Variants in OTOGL observed in about 807,000 individuals in gnomAD.
OTOGL encodes the protein otogelin like.
Under a neutral mutation model 318.5 loss-of-function variants are expected in OTOGL, and 285 were observed. The observed-to-expected ratio is 0.89, with a 90% CI of 0.81 to 0.99. The LOEUF is 0.99. Among genes scored for constraint, OTOGL ranks in the 50% least tolerant of loss-of-function variants. The pLI is 0.00. For missense variants in OTOGL, 2,899 were observed against 2,845.6 expected, an observed-to-expected ratio of 1.02 and a Z score of -0.43; for synonymous variants, 987 against 936.5, an observed-to-expected ratio of 1.05 and a Z score of -0.99.
intron 7 of OTOGL, among the ~76,000 whole-genome samples, chr12:80,224,199 T>G (rs932834655): frequency 5.3e-5 from 8 of 152,100 alleles, no homozygotes; most frequent in African/African-American, 1.9e-4. Context: ...TTTCCCCACT[T>G]TATGTTTTTG....
chr12:80,333,010 G>A lies in OTOGL; in HGVS notation c.4354G>A (p.Glu1452Lys). The A allele has an allele frequency of 1.9e-6, 3 of 1,592,908 alleles. No individual in the cohort carries two copies. The highest frequency in any genetic ancestry group is 1.3e-5 in the African/African-American group (1 of 74,778). Residue 1452 changes from glutamate to lysine, a missense_variant, in exon 38 of 59, where the codon GAA becomes AAA. This residue lies in a region of OTOGL where 2,607 missense variants were observed against 2,524.9 expected (regional missense o/e 1.03). Transcript: ENST00000547103. ...KPTVPMFTVW[E>K]MITPSDITVF... Reference sequence around the variant, plus strand: ...TACTTTTTCATTTCTGACAGTTTGGGAAATGATTACTCCATCAGACATCAC... The same window carrying A: ...TACTTTTTCATTTCTGACAGTTTGGAAAATGATTACTCCATCAGACATCAC...
chr12:80,194,037 T>C (rs539866881), intron 1 of OTOGL, among the ~76,000 whole-genome samples: 2 of 152,268 alleles, frequency 1.3e-5, no homozygotes, highest in Admixed American at 1.3e-4. Flanking sequence ...TGCCTCTGAC[T>C]AACAACACTG....
chr12:80,203,235 A>G (rs938608690), intron 1 of OTOGL, among the ~76,000 whole-genome samples: 1 of 152,088 alleles, frequency 6.6e-6, no homozygotes, highest in Non-Finnish European at 1.5e-5. Context: ...GCAGGACTGT[A>G]TTTGTCTGGA....
At chr12:80,107,786 T>C (rs1869543054) in intron 1 of OTOGL, among the ~76,000 whole-genome samples, 1 of 152,118 alleles carries the variant, frequency 6.6e-6, no homozygotes, top group African/African-American at 2.4e-5. Context: ...AGGAAGATCA[T>C]GACCTTTGCA....
intron 1 of OTOGL, among the ~76,000 whole-genome samples, chr12:80,201,717 A>C (rs993977441): frequency 6.6e-6 from 1 of 152,192 alleles, no homozygotes; most frequent in Admixed American, 6.5e-5. Context: ...TCTCAATCAC[A>C]TAGCAAGCCT....
At chr12:80,171,270 G>A (rs1874189032) in intron 1 of OTOGL, among the ~76,000 whole-genome samples, 1 of 151,970 alleles carries the variant, frequency 6.6e-6, no homozygotes, top group African/African-American at 2.4e-5. Context: ...TGTAGAGATG[G>A]AGTCTCACTA....
chr12:80,241,444 G>A (rs950676088), intron 11 of OTOGL, among the ~76,000 whole-genome samples: 1 of 151,836 alleles, frequency 6.6e-6, no homozygotes, highest in African/African-American at 2.4e-5. Flanking sequence ...AGAGCTACTT[G>A]CTATAGCTCT....
chr12:80,108,943 T>TAC (rs1869663168), intron 1 of OTOGL, among the ~76,000 whole-genome samples: 1 of 144,556 alleles, frequency 6.9e-6, no homozygotes. Flanking sequence ...TGTGTATATA[T>TAC]ATATATATAT....
At chr12:80,217,223 G>T (rs1474238432) in intron 4 of OTOGL, among the ~76,000 whole-genome samples, 1 of 149,652 alleles carries the variant, frequency 6.7e-6, no homozygotes, top group African/African-American at 2.4e-5. Flanking sequence ...TATTCCAAAG[G>T]TTAGACTCCA....
intron 32 of OTOGL, among the ~76,000 whole-genome samples, chr12:80,318,282 C>T (rs1887097315): frequency 6.6e-6 from 1 of 152,098 alleles, no homozygotes; most frequent in South Asian, 2.1e-4. Context: ...GTAAAATACA[C>T]TGAGTGCAGT....
chr12:80,217,813 T>C (rs1877890022), intron 5 of OTOGL, 149 bp downstream of exon 5: 1 of 583,418 alleles, frequency 1.7e-6, no homozygotes, highest in African/African-American at 1.9e-5. Context: ...TTAAGTTCAC[T>C]TCTTAGAGAA....
At chr12:80,217,237 A>G (rs1877819099) in intron 4 of OTOGL, among the ~76,000 whole-genome samples, 1 of 146,902 alleles carries the variant, frequency 6.8e-6, no homozygotes, top group Admixed American at 6.8e-5. Flanking sequence ...GACTCCAACC[A>G]GGCTCCTTTC....
Position 80,336,052 on chromosome 12 carries a change from A to G in OTOGL, c.4512A>G (p.Pro1504=), listed in dbSNP as rs763723903. 5 of 1,598,910 alleles carry G rather than the reference A, an allele frequency of 3.1e-6. No homozygotes were observed. The highest frequency in any genetic ancestry group is 2.5e-6 in the Non-Finnish European group (3 of 1,179,430). The change falls in exon 39 of 59, where the codon CCA becomes CCG. Residue 1504 remains proline, a synonymous_variant. Transcript: ENST00000547103. The part of the protein sequence containing the change: ...WQLYNWSLNC[P]KDVEMPDCGF... ...TATACAACTGGTCCCTTAATTGCCC[A>G]AAGGACGTGGAAATGCCTGACTGTG...
chr12:80,307,179 C>G (rs1886188094), intron 29 of OTOGL, among the ~76,000 whole-genome samples: 1 of 151,306 alleles, frequency 6.6e-6, no homozygotes. Context: ...TAGTACAGAA[C>G]AAAATGAAAA....
At position 80,238,876 on chromosome 12, in the gene OTOGL, G is replaced by T; in HGVS notation, c.843G>T (p.Met281Ile). ...LQEDYTEDIAMFANSWSVQTP... is the reference protein window; with the variant it reads ...LQEDYTEDIAIFANSWSVQTP... ...AGGACTATACAGAAGACATCGCTAT[G>T]TTTGCAAATAGTTGGTCGGTGCAAA... The change falls in exon 10 of 59, where the codon ATG becomes ATT. Residue 281 changes from methionine to isoleucine, a missense_variant. Transcript: ENST00000547103. 1.3e-6 allele frequency: 2 copies of T among 1,565,108 alleles called. No individual in the cohort carries two copies. The highest frequency in any genetic ancestry group is 1.7e-6 in the Non-Finnish European group (2 of 1,161,268).
intron 36 of OTOGL, 120 bp downstream of exon 36, chr12:80,328,864 T>C (rs1442424985): frequency 5.5e-6 from 6 of 1,088,024 alleles, no homozygotes; most frequent in Non-Finnish European, 5.3e-6. Flanking sequence ...AAGATTATTC[T>C]TCAATGTCTC....
At chr12:80,155,720 TCTGA>T (rs1329317397) in intron 1 of OTOGL, among the ~76,000 whole-genome samples, 2 of 152,244 alleles carry the variant, frequency 1.3e-5, no homozygotes, top group African/African-American at 4.8e-5. Flanking sequence ...ATTTATTCTT[TCTGA>T]CTATTTTTTA....
At chr12:80,136,021 C>T (rs960591896) in intron 1 of OTOGL, among the ~76,000 whole-genome samples, 12 of 152,200 alleles carry the variant, frequency 7.9e-5, no homozygotes, top group Admixed American at 3.9e-4. Flanking sequence ...TCATGTGAAC[C>T]GATTCCTTAT....
intron 29 of OTOGL, among the ~76,000 whole-genome samples, chr12:80,306,955 C>T (rs867710439): frequency 5.5e-4 from 77 of 140,782 alleles, no homozygotes; most frequent in Admixed American, 6.2e-4. Flanking sequence ...ACCCTGCGGC[C>T]TTTCCGCAGT....
Sources: gnomAD v4.1 joint callset for allele counts (sites outside exome capture counted in the v4.1 genomes callset) on GRCh38, gnomAD v4.1.1 for gene constraint, gnomAD v4.1.1 regional missense constraint, MANE v1.5 for transcripts, NCBI Gene and HGNC (gene_info 2026-07-23, HGNC 2026-07-21) for gene names.